TRAPPC9: variants seen among roughly 807,000 people sequenced by gnomAD.
TRAPPC9 encodes the protein IKK2 binding protein.
A neutral mutation model predicts 124.0 loss-of-function variants in TRAPPC9; 83 were observed. That is an observed-to-expected ratio of 0.67 (90% CI 0.56 to 0.80). The LOEUF is 0.80. Among genes scored for constraint, TRAPPC9 ranks in the 30% least tolerant of loss-of-function variants. The pLI is 0.00. For missense variants in TRAPPC9, 1,302 were observed against 1,508.3 expected, an observed-to-expected ratio of 0.86 and a Z score of 2.27; for synonymous variants, 638 against 617.5, an observed-to-expected ratio of 1.03 and a Z score of -0.49.
intron 21 of TRAPPC9, among the ~76,000 whole-genome samples, chr8:139,827,550 AGAG>A (rs978769861): frequency 2.6e-5 from 4 of 152,162 alleles, no homozygotes; most frequent in African/African-American, 4.8e-5. Context: ...GCAAGCACAA[AGAG>A]GAGGTCAGGC....
At chr8:140,255,034 A>G (rs1046734649) in intron 15 of TRAPPC9, among the ~76,000 whole-genome samples, 6 of 152,236 alleles carry the variant, frequency 3.9e-5, no homozygotes, top group South Asian at 4.1e-4. Flanking sequence ...ATAAGCAGAC[A>G]TATTCCTGGC....
chr8:140,212,879 G>C (rs1451616082), intron 17 of TRAPPC9, among the ~76,000 whole-genome samples: 2 of 111,476 alleles, frequency 1.8e-5, no homozygotes, highest in Non-Finnish European at 4.0e-5. Flanking sequence ...AAGAGATCGA[G>C]ACCATCCTGG....
intron 19 of TRAPPC9, among the ~76,000 whole-genome samples, chr8:139,975,241 T>G (rs183492681): frequency 4.1e-4 from 63 of 152,350 alleles, no homozygotes; most frequent in Admixed American, 1.1e-3. Flanking sequence ...CTAGAGACAG[T>G]GGCGACTGCT....
chr8:140,440,282 C>T (rs374594719), intron 2 of TRAPPC9, among the ~76,000 whole-genome samples: 42 of 152,084 alleles, frequency 2.8e-4, no homozygotes, highest in African/African-American at 3.1e-4. Flanking sequence ...CCGAGGCGGG[C>T]GGATCACAAG....
rs1236784365 is a variant in TRAPPC9, at chr8:140,097,829, C to G, written c.2557-73750G>C. 6.6e-6 allele frequency: 1 copy of G among 152,202 alleles called. No homozygotes were observed. Among genetic ancestry groups the G allele is most frequent in the Non-Finnish European group, 1.5e-5 (1 of 68,062 alleles). 9.4% of individuals were successfully genotyped at this position (152,202 alleles called of 1,614,324 possible). A position where few individuals can be genotyped will look rare whatever the true frequency, so the allele number is the denominator to read the frequency against. The stretch of plus-strand genomic sequence containing the variant: ...TGCTCCCAGGGTCATGACGCCTACC[C>G]AGGTCCTTAGTGCGTGGCTACAGAC... On this transcript the variant is annotated intron_variant, in intron 17 of 22. Coordinates refer to ENST00000438773, the MANE Select transcript of TRAPPC9 (RefSeq NM_001160372.4). This position sits in a 1 kb window ranked among gnomAD's most constrained non-coding sequence, Gnocchi z 4.2.
intron 17 of TRAPPC9, among the ~76,000 whole-genome samples, chr8:140,059,050 T>A (rs1168919151): frequency 6.6e-6 from 1 of 152,208 alleles, no homozygotes; most frequent in Admixed American, 6.5e-5. Flanking sequence ...GACAAATGTA[T>A]ACTTGTATAA....
intron 11 of TRAPPC9, among the ~76,000 whole-genome samples, chr8:140,291,421 G>A (rs780462284): frequency 2.6e-5 from 4 of 152,206 alleles, no homozygotes; most frequent in Non-Finnish European, 5.9e-5. Context: ...ACAGGAAGAC[G>A]GCACTGGGGT....
chr8:140,048,631 C>G (rs575560641), intron 17 of TRAPPC9, among the ~76,000 whole-genome samples: 5 of 152,098 alleles, frequency 3.3e-5, no homozygotes, highest in Non-Finnish European at 5.9e-5. Flanking sequence ...CTAACTGAAG[C>G]CCCAAACACA....
At chr8:140,164,226 G>T (rs1373180589) in intron 17 of TRAPPC9, among the ~76,000 whole-genome samples, 2 of 152,128 alleles carry the variant, frequency 1.3e-5, no homozygotes, top group Non-Finnish European at 2.9e-5. Flanking sequence ...ACAAAAGAGG[G>T]ACTGCATCTG....
At chr8:140,073,551 C>G (rs1283207006) in intron 17 of TRAPPC9, among the ~76,000 whole-genome samples, 1 of 152,172 alleles carries the variant, frequency 6.6e-6, no homozygotes, top group African/African-American at 2.4e-5. Context: ...GGGGATTAAC[C>G]TAGATGGGAT....
intron 17 of TRAPPC9, among the ~76,000 whole-genome samples, chr8:140,050,748 C>T (rs1841940492): frequency 6.6e-6 from 1 of 152,102 alleles, no homozygotes; most frequent in Non-Finnish European, 1.5e-5. Flanking sequence ...TAATGAGTCA[C>T]CAGCCTGGGG....
At chr8:139,861,092 A>T (rs887367034) in intron 21 of TRAPPC9, among the ~76,000 whole-genome samples, 2 of 152,238 alleles carry the variant, frequency 1.3e-5, no homozygotes, top group Non-Finnish European at 2.9e-5. Flanking sequence ...TGCTTGTTAG[A>T]AATGCTTGTT....
chr8:139,862,846 T>G (rs1480887541), intron 21 of TRAPPC9, among the ~76,000 whole-genome samples: 3 of 152,202 alleles, frequency 2.0e-5, no homozygotes, highest in Non-Finnish European at 2.9e-5. Context: ...TCCCCCTGGG[T>G]GCCGTGTCCT....
chr8:140,328,572 T>C (rs1339903654), intron 9 of TRAPPC9, among the ~76,000 whole-genome samples: 3 of 152,078 alleles, frequency 2.0e-5, no homozygotes, highest in African/African-American at 4.8e-5. Flanking sequence ...CAATGGACTT[T>C]GGGGACTCAG....
At chr8:140,351,167 C>T (rs942703056) in intron 9 of TRAPPC9, among the ~76,000 whole-genome samples, 5 of 111,020 alleles carry the variant, frequency 4.5e-5, no homozygotes, top group Admixed American at 1.2e-4. Flanking sequence ...GAAGCGACAA[C>T]GGATGAGAGA....
At chr8:140,194,557 C>T (rs138517047) in intron 17 of TRAPPC9, among the ~76,000 whole-genome samples, 99 of 152,182 alleles carry the variant, frequency 6.5e-4, no homozygotes, top group African/African-American at 2.3e-3. Flanking sequence ...GCTGTGGAAC[C>T]CACATGGACA....
intron 9 of TRAPPC9, among the ~76,000 whole-genome samples, chr8:140,347,300 G>C (rs1283848370): frequency 2.0e-5 from 3 of 152,150 alleles, no homozygotes; most frequent in Non-Finnish European, 4.4e-5. Flanking sequence ...AGGCCTTCTG[G>C]ATCCAGCAGC....
intron 17 of TRAPPC9, among the ~76,000 whole-genome samples, chr8:140,049,086 G>A (rs1718096458): frequency 6.6e-6 from 1 of 152,162 alleles, no homozygotes; most frequent in African/African-American, 2.4e-5. Flanking sequence ...GATTCCCCGC[G>A]ATGACGGAAC....
At chr8:140,178,454 T>C (rs1205170999) in intron 17 of TRAPPC9, among the ~76,000 whole-genome samples, 1 of 152,178 alleles carries the variant, frequency 6.6e-6, no homozygotes, top group Non-Finnish European at 1.5e-5. Flanking sequence ...TAAATCTCAC[T>C]AGATCACAAT....
Sources: allele counts gnomAD v4.1 joint callset (sites outside exome capture counted in the v4.1 genomes callset), GRCh38; gene constraint gnomAD v4.1.1; non-coding constraint Gnocchi (gnomAD v3.1); transcripts MANE v1.5; gene names NCBI Gene and HGNC (gene_info 2026-07-23, HGNC 2026-07-21).